CBFB: variants seen among roughly 807,000 people sequenced by gnomAD.
CBFB encodes CBF-beta.
A neutral mutation model predicts 30.4 loss-of-function variants in CBFB; 9 were observed. The observed-to-expected ratio is 0.30, with a 90% CI of 0.18 to 0.52. The LOEUF is 0.52. Ranked by LOEUF, CBFB falls within the 20% of genes least tolerant of loss-of-function variation. The pLI is 0.97. For synonymous variants in CBFB, 94 were observed against 84.0 expected (o/e 1.12, Z -0.65); for missense variants, 170 against 244.0 (o/e 0.70, Z 2.02).
intron 2 of CBFB, 31 bp from the exon 3 acceptor site, chr16:67,036,608 C>T (rs934320501): frequency 8.2e-7 from 1 of 1,216,812 alleles, no homozygotes; most frequent in Admixed American, 1.7e-5. Flanking sequence ...TGTCCTGCTC[C>T]TGATCCTGTT....
intron 3 of CBFB, among the ~76,000 whole-genome samples, chr16:67,039,418 T>C (rs1966494377): frequency 6.6e-6 from 1 of 152,204 alleles, no homozygotes; most frequent in South Asian, 2.1e-4. Context: ...AAGTGGTGAA[T>C]GAATGTGATT....
At chr16:67,090,883 T>A (rs1424309911) in intron 5 of CBFB, among the ~76,000 whole-genome samples, 2 of 152,254 alleles carry the variant, frequency 1.3e-5, no homozygotes, top group Non-Finnish European at 2.9e-5. Context: ...GTTTTTGTAT[T>A]TGTATTTTGC....
chr16:67,074,975 T>G (rs951283887), intron 4 of CBFB, among the ~76,000 whole-genome samples: 3 of 151,998 alleles, frequency 2.0e-5, no homozygotes, highest in African/African-American at 7.2e-5. Context: ...GGCAGATCAC[T>G]TGAGGCCAGG....
At chr16:67,060,871 A>G (rs1960892680) in intron 3 of CBFB, among the ~76,000 whole-genome samples, 1 of 152,114 alleles carries the variant, frequency 6.6e-6, no homozygotes, top group African/African-American at 2.4e-5. Flanking sequence ...TGCACGTTTC[A>G]TATAATACGT....
At chr16:67,092,418 A>G (rs183762885) in intron 5 of CBFB, among the ~76,000 whole-genome samples, 122 of 152,240 alleles carry the variant, frequency 8.0e-4, no homozygotes, top group Non-Finnish European at 1.5e-3. Context: ...CATTAATGCC[A>G]ATTGTAAGTT....
chr16:67,050,817 T>A (rs1245189280), intron 3 of CBFB, among the ~76,000 whole-genome samples: 1 of 151,996 alleles, frequency 6.6e-6, no homozygotes, highest in Admixed American at 6.6e-5. Flanking sequence ...TTTAAAAAAA[T>A]AAAGTGGAAC....
In CBFB at chr16:67,092,453, T is replaced by G. The variant is rs72798010; in HGVS notation, c.496-6257T>G. ...TAAAGGCTCATCTTTTCCATAGGTC[T>G]GATTCTGTGTTCTGACTCTGCCTCC... On this transcript the variant is annotated intron_variant, in intron 5 of 5. Coordinates refer to ENST00000412916, the MANE Select transcript of CBFB (RefSeq NM_022845.3). Among the ~76,000 whole-genome samples the G allele has an allele frequency of 4.9e-3, 742 of 152,246 alleles. 2 individuals are homozygous for G. Among genetic ancestry groups the G allele is most frequent in the Middle Eastern group, 0.01 (3 of 294 alleles).
intron 3 of CBFB, among the ~76,000 whole-genome samples, chr16:67,047,148 A>T (rs942525967): frequency 7.0e-6 from 1 of 143,066 alleles, no homozygotes; most frequent in African/African-American, 2.5e-5. Flanking sequence ...CGTCTCTACT[A>T]AAAAAAAAAA....
At chr16:67,059,678 C>G (rs1960836241) in intron 3 of CBFB, among the ~76,000 whole-genome samples, 1 of 152,186 alleles carries the variant, frequency 6.6e-6, no homozygotes, top group South Asian at 2.1e-4. Flanking sequence ...TGTTCATAGC[C>G]TGCCCTGCTG....
At chr16:67,033,081 G>T (rs1327634052) in intron 2 of CBFB, among the ~76,000 whole-genome samples, 1 of 152,122 alleles carries the variant, frequency 6.6e-6, no homozygotes, top group Non-Finnish European at 1.5e-5. Flanking sequence ...CACCATGTTT[G>T]CCAGGCTGGT....
chr16:67,072,139 G>A (rs1295788064), intron 4 of CBFB, among the ~76,000 whole-genome samples: 1 of 152,084 alleles, frequency 6.6e-6, no homozygotes, highest in Non-Finnish European at 1.5e-5. Flanking sequence ...TATTGTAACT[G>A]TATTATTCCT....
Position 67,054,904 on chromosome 16 carries a change from AC to A in CBFB, c.283-11776del, listed in dbSNP as rs979884135. On this transcript the variant is annotated intron_variant, in intron 3 of 5. Coordinates refer to ENST00000412916, the MANE Select transcript of CBFB (RefSeq NM_022845.3). ...CGCGTAGCTGGGACTAGAGGTGCCCACCACCACGCCTGGCTAATTTTTTGTA... is the reference window on the plus strand; with the variant it reads ...CGCGTAGCTGGGACTAGAGGTGCCCACACCACGCCTGGCTAATTTTTTGTA... Among the ~76,000 whole-genome samples, 30 of 146,762 alleles carry A rather than the reference AC, an allele frequency of 2.0e-4. No homozygotes were observed. In the South Asian group the frequency reaches 4.3e-3, roughly 21 times the overall value.
At chr16:67,093,219 CTG>C (rs1261034502) in intron 5 of CBFB, among the ~76,000 whole-genome samples, 3 of 152,148 alleles carry the variant, frequency 2.0e-5, no homozygotes, top group African/African-American at 7.2e-5. Flanking sequence ...GTGCTGTAAA[CTG>C]TAGGCGTGAG....
chr16:67,065,742 A>G (rs1458067783), intron 3 of CBFB, among the ~76,000 whole-genome samples: 1 of 152,088 alleles, frequency 6.6e-6, no homozygotes, highest in Non-Finnish European at 1.5e-5. Flanking sequence ...AAATAAGTAG[A>G]TTTTGGGTTA....
chr16:67,087,393 A>C (rs939239218), intron 5 of CBFB, among the ~76,000 whole-genome samples: 3 of 151,464 alleles, frequency 2.0e-5, no homozygotes, highest in Non-Finnish European at 1.5e-5. Flanking sequence ...TTGTCTCTAC[A>C]AAAAATTTAA....
intron 5 of CBFB, among the ~76,000 whole-genome samples, chr16:67,084,891 A>G (rs940665261): frequency 2.0e-5 from 3 of 152,078 alleles, no homozygotes; most frequent in Non-Finnish European, 1.5e-5. Context: ...TCACTTTTCT[A>G]TGACTGAGTT....
At chr16:67,071,336 G>A (rs1237926423) in intron 4 of CBFB, among the ~76,000 whole-genome samples, 1 of 152,130 alleles carries the variant, frequency 6.6e-6, no homozygotes, top group Non-Finnish European at 1.5e-5. Context: ...GGGCATTTAT[G>A]GAGGTAATTA....
chr16:67,034,116 C>T (rs1382835892), intron 2 of CBFB, among the ~76,000 whole-genome samples: 1 of 152,198 alleles, frequency 6.6e-6, no homozygotes, highest in Non-Finnish European at 1.5e-5. Context: ...GCTTGAGCCA[C>T]TGCACCCGGC....
intron 5 of CBFB, among the ~76,000 whole-genome samples, chr16:67,093,850 T>C (rs1457525947): frequency 2.0e-5 from 3 of 152,220 alleles, no homozygotes; most frequent in Non-Finnish European, 4.4e-5. Flanking sequence ...TTTGCCATCA[T>C]GTAGTATAGT....
Sources: allele counts gnomAD v4.1 joint callset (sites outside exome capture counted in the v4.1 genomes callset), GRCh38; gene constraint gnomAD v4.1.1; transcripts MANE v1.5; gene names NCBI Gene and HGNC (gene_info 2026-07-23, HGNC 2026-07-21).